TSHZ2: variants seen among roughly 807,000 people sequenced by gnomAD.
The protein encoded by TSHZ2 is teashirt zinc finger homeobox 2.
In TSHZ2, 21 loss-of-function variants were observed where a neutral mutation model predicts 74.4. The observed-to-expected ratio is 0.28, with a 90% CI of 0.20 to 0.41. TSHZ2 has a LOEUF of 0.41. TSHZ2 is among the 10% of genes least tolerant of loss of function. The pLI, the probability that TSHZ2 is intolerant of heterozygous loss-of-function variation, is 1.00. For missense variants in TSHZ2, 1,244 were observed against 1,293.5 expected (o/e 0.96, Z 0.59); for synonymous variants, 540 against 515.3 (o/e 1.05, Z -0.65).
At chr20:53,129,787 G>A (rs765358481) in intron 1 of TSHZ2, among the ~76,000 whole-genome samples, 5 of 151,756 alleles carry the variant, frequency 3.3e-5, no homozygotes, top group Non-Finnish European at 7.4e-5. Context: ...CTTAACCTTC[G>A]GTTGGATGAT....
chr20:53,170,280 T>G (rs566830850), intron 1 of TSHZ2, among the ~76,000 whole-genome samples: 1 of 152,356 alleles, frequency 6.6e-6, no homozygotes, highest in Non-Finnish European at 1.5e-5. Flanking sequence ...CAAATGAAAT[T>G]GACATCTAGG....
intron 1 of TSHZ2, among the ~76,000 whole-genome samples, chr20:53,160,369 G>A (rs1293405): frequency 0.43 from 64,883 of 152,006 alleles, 15,723 homozygotes; most frequent in African/African-American, 0.67. Context: ...ATCCCTAGTC[G>A]TGCAAAGTAT....
At position 53,204,353 on chromosome 20, in the gene TSHZ2, TATG is replaced by T. The variant is rs1408846147; in HGVS notation, c.41-49143_41-49141del. Among the ~76,000 whole-genome samples, 104 of 137,834 alleles carry T rather than the reference TATG, an allele frequency of 7.5e-4. 2 individuals carry two copies. Among genetic ancestry groups the T allele is most frequent in the African/African-American group, 2.9e-3 (98 of 33,690 alleles). The allele number at this position is 137,834 out of a possible 152,430, so 90.4% of individuals were successfully genotyped here. ...ACTATATCATCATATAACATGATGA[TATG>T]ATACTATATCATCATATAACATGAT... On this transcript the variant is annotated intron_variant, in intron 1 of 2. Transcript: ENST00000371497.
At chr20:53,461,799 A>G (rs1202702087) in intron 2 of TSHZ2, among the ~76,000 whole-genome samples, 1 of 152,166 alleles carries the variant, frequency 6.6e-6, no homozygotes, top group Non-Finnish European at 1.5e-5. Context: ...TAATTACTTC[A>G]TGGTTACCAG....
intron 1 of TSHZ2, among the ~76,000 whole-genome samples, chr20:53,224,779 G>A (rs1989642236): frequency 6.6e-6 from 1 of 151,712 alleles, no homozygotes; most frequent in Non-Finnish European, 1.5e-5. Flanking sequence ...GAACTTGGGA[G>A]GTGGAGGTTG....
chr20:53,328,415 A>T (rs146999216), intron 2 of TSHZ2, among the ~76,000 whole-genome samples: 1 of 152,282 alleles, frequency 6.6e-6, no homozygotes, highest in African/African-American at 2.4e-5. Flanking sequence ...TATCATTTGT[A>T]ATTTGGACTC....
intron 2 of TSHZ2, among the ~76,000 whole-genome samples, chr20:53,337,836 T>C (rs752622496): frequency 6.6e-6 from 1 of 152,170 alleles, no homozygotes; most frequent in Non-Finnish European, 1.5e-5. Context: ...AAGAAAAATA[T>C]TTAGAAAGTG....
intron 2 of TSHZ2, among the ~76,000 whole-genome samples, chr20:53,386,339 T>C (rs1232239593): frequency 6.6e-6 from 1 of 152,250 alleles, no homozygotes. Context: ...GCGGAATGAC[T>C]GCTAGTCATT....
chr20:53,175,002 CTT>C (rs1988293393), intron 1 of TSHZ2, among the ~76,000 whole-genome samples: 1 of 151,974 alleles, frequency 6.6e-6, no homozygotes, highest in South Asian at 2.1e-4. Context: ...TTACAAATGT[CTT>C]TCTCTCGATG....
chr20:53,428,553 AACTT>A (rs1229470651), intron 2 of TSHZ2, among the ~76,000 whole-genome samples: 1 of 152,222 alleles, frequency 6.6e-6, no homozygotes, highest in Non-Finnish European at 1.5e-5. Flanking sequence ...AATTGCAGAT[AACTT>A]ATTCCCAATC....
intron 2 of TSHZ2, among the ~76,000 whole-genome samples, chr20:53,372,722 G>C (rs959115254): frequency 6.6e-6 from 1 of 152,138 alleles, no homozygotes; most frequent in African/African-American, 2.4e-5. Flanking sequence ...CTAAAGCTCA[G>C]CTTCAGCTGG....
chr20:53,242,193 T>C (rs1165950207), intron 1 of TSHZ2, among the ~76,000 whole-genome samples: 1 of 152,164 alleles, frequency 6.6e-6, no homozygotes, highest in Non-Finnish European at 1.5e-5. Context: ...TCCTGTGCAT[T>C]GTAGGATGTT....
At chr20:53,384,835 G>C (rs1600596751) in intron 2 of TSHZ2, among the ~76,000 whole-genome samples, 2 of 152,128 alleles carry the variant, frequency 1.3e-5, no homozygotes, top group East Asian at 3.9e-4. Flanking sequence ...AAAACATAAA[G>C]GAGTCGGCTG....
intron 2 of TSHZ2, among the ~76,000 whole-genome samples, chr20:53,476,278 G>A (rs1366049552): frequency 2.1e-4 from 29 of 140,506 alleles, no homozygotes; most frequent in Non-Finnish European, 9.2e-5. Flanking sequence ...CTGGCAAAAC[G>A]AATCCAGCAG....
chr20:53,102,338 A>G (rs1278479508), intron 1 of TSHZ2, among the ~76,000 whole-genome samples: 1 of 152,090 alleles, frequency 6.6e-6, no homozygotes, highest in Non-Finnish European at 1.5e-5. Flanking sequence ...ATTTGAAAAC[A>G]TTCAGACAAT....
At chr20:53,177,485 G>A (rs1042996768) in intron 1 of TSHZ2, among the ~76,000 whole-genome samples, 1 of 152,102 alleles carries the variant, frequency 6.6e-6, no homozygotes, top group Non-Finnish European at 1.5e-5. Context: ...GTGCACATAC[G>A]GCTGGTCCTC....
At chr20:53,429,917 T>A (rs905818199) in intron 2 of TSHZ2, among the ~76,000 whole-genome samples, 21 of 152,136 alleles carry the variant, frequency 1.4e-4, no homozygotes, top group Admixed American at 7.9e-4. Flanking sequence ...TCCCACACAT[T>A]GCAGGATGTA....
At chr20:53,008,842 A>G (rs1204502929) in intron 1 of TSHZ2, among the ~76,000 whole-genome samples, 2 of 152,152 alleles carry the variant, frequency 1.3e-5, no homozygotes, top group African/African-American at 4.8e-5. Context: ...TCTTATACAT[A>G]TTATGTTTTT....
At chr20:53,217,669 C>T (rs988982207) in intron 1 of TSHZ2, among the ~76,000 whole-genome samples, 6 of 152,124 alleles carry the variant, frequency 3.9e-5, no homozygotes, top group African/African-American at 1.4e-4. Context: ...AACGTCAGAA[C>T]TTCTCAGAAG....
Sources: gnomAD v4.1 joint callset for allele counts (sites outside exome capture counted in the v4.1 genomes callset) on GRCh38, gnomAD v4.1.1 for gene constraint, MANE v1.5 for transcripts, NCBI Gene and HGNC (gene_info 2026-07-23, HGNC 2026-07-21) for gene names.